The following ADARB2 variants were observed in gnomAD, a reference collection of about 807,000 sequenced individuals.
The protein encoded by ADARB2 is adenosine deaminase RNA specific B2 (inactive).
ADARB2 carries 25 observed loss-of-function variants against 62.2 expected under a neutral mutation model. That is an observed-to-expected ratio of 0.40 (90% CI 0.29 to 0.56). The LOEUF (loss-of-function observed/expected upper bound fraction) is 0.56, where lower values mean the gene tolerates loss of function less well. Among genes scored for constraint, ADARB2 ranks in the 20% least tolerant of loss-of-function variants. The pLI, the probability that ADARB2 is intolerant of heterozygous loss-of-function variation, is 0.43. For synonymous variants in ADARB2, 572 were observed against 500.8 expected, an observed-to-expected ratio of 1.14 and a Z score of -1.90; for missense variants, 1,071 against 1,077.4, an observed-to-expected ratio of 0.99 and a Z score of 0.08.
In ADARB2 at chr10:1,698,586, C is replaced by T. The variant is rs369427904; in HGVS notation, c.100+38465G>A. Among the ~76,000 whole-genome samples the T allele has an allele frequency of 1.9e-4, 29 of 152,036 alleles. No homozygotes were observed. The East Asian group carries it at 3.9e-3, about 20-fold the overall frequency. Reference sequence around the variant, plus strand: ...TGACACTGCAGCTGGGTATGAGAGACGCATAGGAGTAAAAACTTGATGGAA... The same window carrying T: ...TGACACTGCAGCTGGGTATGAGAGATGCATAGGAGTAAAAACTTGATGGAA... On this transcript the variant is annotated intron_variant, in intron 1 of 9. Coordinates refer to ENST00000381312, the MANE Select transcript of ADARB2 (RefSeq NM_018702.4).
At chr10:1,581,985 T>A (rs373944810) in intron 1 of ADARB2, among the ~76,000 whole-genome samples, 117 of 152,216 alleles carry the variant, frequency 7.7e-4, no homozygotes, top group African/African-American at 2.8e-3. Flanking sequence ...CCCTACTCAC[T>A]GCGGTCCACT....
chr10:1,447,386 T>C (rs1198271705), intron 1 of ADARB2, among the ~76,000 whole-genome samples: 1 of 152,158 alleles, frequency 6.6e-6, no homozygotes, highest in Non-Finnish European at 1.5e-5. Flanking sequence ...CCCCTGTGGC[T>C]CATGGCAGGT....
intron 1 of ADARB2, among the ~76,000 whole-genome samples, chr10:1,474,944 G>A (rs1049297673): frequency 6.6e-6 from 1 of 152,166 alleles, no homozygotes; most frequent in African/African-American, 2.4e-5. Flanking sequence ...GACCGAGGCG[G>A]CGGCTGCCGG....
intron 1 of ADARB2, among the ~76,000 whole-genome samples, chr10:1,462,257 T>C (rs999662756): frequency 6.6e-6 from 1 of 152,152 alleles, no homozygotes; most frequent in Non-Finnish European, 1.5e-5. Flanking sequence ...TTGAAGCCCT[T>C]ATGTCACCTG....
chr10:1,179,435 C>T lies in ADARB2; in HGVS notation c.*3758G>A, dbSNP rs1302903715. 6 of 152,240 alleles carry T rather than the reference C, an allele frequency of 3.9e-5. No homozygotes were observed. Among genetic ancestry groups the T allele is most frequent in the African/African-American group, 1.4e-4 (6 of 41,456 alleles). 9.4% of individuals were successfully genotyped at this position (152,240 alleles called of 1,614,324 possible). ...GCTATCGACCTGCACATCCTTTCCT[C>T]AGCAAAAACAAAACCCACAGAAACC... On this transcript the variant is annotated 3_prime_UTR_variant, in exon 10 of 10. Transcript: ENST00000381312.
intron 1 of ADARB2, among the ~76,000 whole-genome samples, chr10:1,656,069 G>A (rs950773465): frequency 6.6e-6 from 1 of 152,198 alleles, no homozygotes; most frequent in Admixed American, 6.5e-5. Context: ...AGCTGTCTAA[G>A]AGTAAAGTCT....
At chr10:1,464,832 G>A (rs957449261) in intron 1 of ADARB2, among the ~76,000 whole-genome samples, 10 of 152,054 alleles carry the variant, frequency 6.6e-5, no homozygotes, top group African/African-American at 2.2e-4. Context: ...AGTCACAGCG[G>A]GCAGTGCACT....
At chr10:1,721,617 T>C (rs7920485) in intron 1 of ADARB2, among the ~76,000 whole-genome samples, 12,631 of 152,310 alleles carry the variant, frequency 0.083, 787 homozygotes, top group African/African-American at 0.16. Flanking sequence ...AAGAATTTTA[T>C]GCATTATTGC....
chr10:1,245,807 T>A (rs1368994540), intron 4 of ADARB2, among the ~76,000 whole-genome samples: 1 of 152,078 alleles, frequency 6.6e-6, no homozygotes, highest in Non-Finnish European at 1.5e-5. Context: ...TATGTGTGCA[T>A]GTGTCTTTAT....
chr10:1,220,358 A>AT (rs1427034430), intron 6 of ADARB2, among the ~76,000 whole-genome samples: 9 of 115,808 alleles, frequency 7.8e-5, no homozygotes, highest in Admixed American at 6.3e-4. Flanking sequence ...TGTGGTGATG[A>AT]TGGTGATGAT....
At chr10:1,636,793 A>G (rs903233542) in intron 1 of ADARB2, among the ~76,000 whole-genome samples, 1 of 148,582 alleles carries the variant, frequency 6.7e-6, no homozygotes, top group Non-Finnish European at 1.5e-5. Flanking sequence ...TCAATATTAT[A>G]TGACATATAT....
intron 3 of ADARB2, among the ~76,000 whole-genome samples, chr10:1,362,688 C>T (rs550057628): frequency 1.2e-3 from 182 of 152,272 alleles, no homozygotes; most frequent in Middle Eastern, 3.4e-3. Flanking sequence ...CCCAATTTTA[C>T]CCGGCACGAC....
At chr10:1,667,370 G>T (rs1030070045) in intron 1 of ADARB2, among the ~76,000 whole-genome samples, 1 of 152,132 alleles carries the variant, frequency 6.6e-6, no homozygotes, top group Non-Finnish European at 1.5e-5. Flanking sequence ...CTCAAATTTG[G>T]TGTATTTAAG....
intron 1 of ADARB2, among the ~76,000 whole-genome samples, chr10:1,387,828 G>A (rs140752322): frequency 9.2e-5 from 14 of 152,072 alleles, no homozygotes; most frequent in East Asian, 5.8e-4. Flanking sequence ...TGGTCCTCAC[G>A]AGCAGATGAG....
At chr10:1,652,986 G>A (rs116813238) in intron 1 of ADARB2, among the ~76,000 whole-genome samples, 71 of 152,280 alleles carry the variant, frequency 4.7e-4, no homozygotes, top group African/African-American at 1.7e-3. Context: ...CCCCTCAGAC[G>A]ATGGAGGCCT....
chr10:1,252,594 A>G (rs1003629140), intron 4 of ADARB2, among the ~76,000 whole-genome samples: 1 of 152,160 alleles, frequency 6.6e-6, no homozygotes, highest in Non-Finnish European at 1.5e-5. Flanking sequence ...TCGGCCTGCA[A>G]TCCCACATCT....
At chr10:1,502,644 G>T (rs1831780245) in intron 1 of ADARB2, among the ~76,000 whole-genome samples, 1 of 152,238 alleles carries the variant, frequency 6.6e-6, no homozygotes, top group African/African-American at 2.4e-5. Context: ...TCTGGCCTGT[G>T]GACGGAAGTC....
intron 1 of ADARB2, among the ~76,000 whole-genome samples, chr10:1,506,684 G>A (rs1831856739): frequency 2.6e-5 from 4 of 152,202 alleles, no homozygotes; most frequent in Admixed American, 2.6e-4. Context: ...TCGTAAAAGA[G>A]GAAAATTAAA....
chr10:1,372,552 T>C (rs1452202078), intron 2 of ADARB2, among the ~76,000 whole-genome samples: 2 of 152,152 alleles, frequency 1.3e-5, no homozygotes, highest in Non-Finnish European at 2.9e-5. Flanking sequence ...AAAGACACTG[T>C]AAGCTGCCAA....
Sources: gnomAD v4.1 joint callset for allele counts (sites outside exome capture counted in the v4.1 genomes callset) on GRCh38, gnomAD v4.1.1 for gene constraint, MANE v1.5 for transcripts, NCBI Gene and HGNC (gene_info 2026-07-23, HGNC 2026-07-21) for gene names.